NXPE2: variants seen among roughly 807,000 people sequenced by gnomAD.
The protein encoded by NXPE2 is NXPE family member 2.
NXPE2 carries 34 observed loss-of-function variants against 34.4 expected under a neutral mutation model. The observed-to-expected ratio is 0.99, with a 90% CI of 0.75 to 1.31. The LOEUF (loss-of-function observed/expected upper bound fraction) is 1.31. Among genes scored for constraint, NXPE2 ranks in the 40% most tolerant of loss-of-function variants. The pLI, the probability that NXPE2 is intolerant of heterozygous loss-of-function variation, is 0.00. For missense variants in NXPE2, 649 were observed against 672.5 expected, an observed-to-expected ratio of 0.97 and a Z score of 0.39; for synonymous variants, 235 against 231.3, an observed-to-expected ratio of 1.02 and a Z score of -0.15.
At chr11:114,645,333 T>G in the NXPE2 span, among the ~76,000 whole-genome samples, 1 of 151,542 alleles carries the variant, frequency 6.6e-6, no homozygotes, top group Non-Finnish European at 1.5e-5. Flanking sequence ...AAAAACCCAG[T>G]CCCCAAAAGA....
chr11:114,710,713 A>C (rs1285723677), downstream of NXPE2, among the ~76,000 whole-genome samples: 1 of 152,176 alleles, frequency 6.6e-6, no homozygotes, highest in Non-Finnish European at 1.5e-5. Context: ...ACTCTCCCAA[A>C]GAATAAGAGG....
the NXPE2 span, among the ~76,000 whole-genome samples, chr11:114,631,917 G>T: frequency 2.0e-5 from 3 of 151,244 alleles, no homozygotes; most frequent in Non-Finnish European, 4.4e-5. Context: ...GGTCACTACT[G>T]TTACCCGGTG....
the NXPE2 span, among the ~76,000 whole-genome samples, chr11:114,500,296 T>C: frequency 6.6e-6 from 1 of 152,140 alleles, no homozygotes; most frequent in African/African-American, 2.4e-5. Context: ...TTTTAAGTTT[T>C]AGCAACTTTA....
the NXPE2 span, among the ~76,000 whole-genome samples, chr11:114,761,755 T>A: frequency 6.6e-6 from 1 of 151,224 alleles, no homozygotes; most frequent in African/African-American, 2.4e-5. Flanking sequence ...TTTGTATTTT[T>A]AGTAGAGACG....
chr11:114,674,501 A>T (rs1950835677), upstream of NXPE2, among the ~76,000 whole-genome samples: 1 of 151,746 alleles, frequency 6.6e-6, no homozygotes, highest in African/African-American at 2.4e-5. Context: ...TTTTATGCAA[A>T]CCTCATGGCA....
the NXPE2 span, among the ~76,000 whole-genome samples, chr11:114,623,561 C>T: frequency 6.6e-6 from 1 of 152,004 alleles, no homozygotes; most frequent in African/African-American, 2.4e-5. Context: ...TACGTATTGC[C>T]TCATGGGTAA....
At chr11:114,572,573 C>T in the NXPE2 span, among the ~76,000 whole-genome samples, 1 of 151,966 alleles carries the variant, frequency 6.6e-6, no homozygotes, top group Non-Finnish European at 1.5e-5. Context: ...GCAAAATGCA[C>T]TGGAAATTCT....
the NXPE2 span, among the ~76,000 whole-genome samples, chr11:114,614,045 C>T: frequency 1.8e-4 from 27 of 151,638 alleles, no homozygotes; most frequent in Admixed American, 1.1e-3. Flanking sequence ...CACTGTTACC[C>T]GGTGAATAAT....
chr11:114,645,481 A>C, the NXPE2 span, among the ~76,000 whole-genome samples: 1 of 152,206 alleles, frequency 6.6e-6, no homozygotes, highest in Non-Finnish European at 1.5e-5. Context: ...TGAAAGACAA[A>C]CAAAAACCAA....
chr11:114,522,161 T>G, the NXPE2 span: 16 of 1,614,060 alleles, frequency 9.9e-6, no homozygotes, highest in Non-Finnish European at 1.3e-5. Context: ...TGTCTCTATG[T>G]GCATCTCCCT....
the NXPE2 span, among the ~76,000 whole-genome samples, chr11:114,570,014 C>A: frequency 6.6e-6 from 1 of 152,264 alleles, no homozygotes; most frequent in Non-Finnish European, 1.5e-5. Flanking sequence ...GTTTAGGTTG[C>A]AAGACCTGTT....
At chr11:114,762,549 T>G in the NXPE2 span, among the ~76,000 whole-genome samples, 722 of 152,336 alleles carry the variant, frequency 4.7e-3, 3 homozygotes, top group Non-Finnish European at 8.2e-3. Context: ...TCCTAAATTC[T>G]CTTGGTAATG....
chr11:114,530,926 G>T, the NXPE2 span: 2 of 1,572,584 alleles, frequency 1.3e-6, no homozygotes, highest in Non-Finnish European at 1.7e-6. Context: ...GACAAGGATT[G>T]TGATATACTA....
chr11:114,659,053 A>G, the NXPE2 span, among the ~76,000 whole-genome samples: 1 of 152,208 alleles, frequency 6.6e-6, no homozygotes, highest in East Asian at 1.9e-4. Flanking sequence ...GCACCAAGTA[A>G]CCAGAAAAAT....
the NXPE2 span, among the ~76,000 whole-genome samples, chr11:114,805,264 C>T: frequency 1.3e-5 from 2 of 151,554 alleles, no homozygotes; most frequent in African/African-American, 2.4e-5. Context: ...GCATGAGCCA[C>T]GCAGAAGATG....
upstream of NXPE2, among the ~76,000 whole-genome samples, chr11:114,675,400 G>C (rs911218959): frequency 6.6e-6 from 1 of 151,704 alleles, no homozygotes; most frequent in African/African-American, 2.4e-5. Context: ...CTTATATATA[G>C]AGAACTCTAA....
intron 3 of NXPE2, among the ~76,000 whole-genome samples, chr11:114,702,152 T>C (rs1193751858): frequency 6.6e-6 from 1 of 152,246 alleles, no homozygotes; most frequent in Non-Finnish European, 1.5e-5. Context: ...GGAGTTACCA[T>C]AGGAGAAGAC....
chr11:114,706,045 T>C, intron 5 of NXPE2, 49 bp downstream of exon 5: 2 of 763,058 alleles, frequency 2.6e-6, no homozygotes, highest in Non-Finnish European at 1.8e-6. Flanking sequence ...TTTGAGGGTT[T>C]TGAAATAATA....
chr11:114,567,714 T>G, the NXPE2 span, among the ~76,000 whole-genome samples: 1 of 152,220 alleles, frequency 6.6e-6, no homozygotes, highest in East Asian at 1.9e-4. Context: ...CACAAACTGG[T>G]ACTTAGAATA....
Sources: allele counts gnomAD v4.1 joint callset (sites outside exome capture counted in the v4.1 genomes callset), GRCh38; gene constraint gnomAD v4.1.1; transcripts MANE v1.5; gene names NCBI Gene and HGNC (gene_info 2026-07-23, HGNC 2026-07-21).